Variants in PDE4D observed in about 807,000 individuals in gnomAD.
PDE4D encodes the protein phosphodiesterase 4D.
A neutral mutation model predicts 87.4 loss-of-function variants in PDE4D; 24 were observed. That is an observed-to-expected ratio of 0.27 (90% CI 0.20 to 0.39). The LOEUF (loss-of-function observed/expected upper bound fraction) is 0.39, where lower values mean the gene tolerates loss of function less well. Among genes scored for constraint, PDE4D ranks in the 10% least tolerant of loss-of-function variants. PDE4D has a pLI of 1.00. For synonymous variants in PDE4D, 384 were observed against 383.2 expected, an observed-to-expected ratio of 1.00 and a Z score of -0.02; for missense variants, 714 against 1,041.0, an observed-to-expected ratio of 0.69 and a Z score of 4.32.
chr5:60,391,094 C>T (rs1418073853), intron 1 of PDE4D, among the ~76,000 whole-genome samples: 2 of 152,134 alleles, frequency 1.3e-5, no homozygotes, highest in Non-Finnish European at 2.9e-5. Context: ...TATTATCTTT[C>T]CCCTTCTACA....
At chr5:60,478,839 A>T (rs1459151713) in intron 1 of PDE4D, among the ~76,000 whole-genome samples, 1 of 152,194 alleles carries the variant, frequency 6.6e-6, no homozygotes, top group Non-Finnish European at 1.5e-5. Context: ...TTCACTCAGA[A>T]TCCATTGTAT....
intron 2 of PDE4D, among the ~76,000 whole-genome samples, chr5:60,134,120 C>T (rs1052787564): frequency 6.6e-6 from 1 of 152,008 alleles, no homozygotes; most frequent in Non-Finnish European, 1.5e-5. Flanking sequence ...ATAACTATAC[C>T]AAATTTTTAT....
At chr5:60,492,508 T>G (rs184064639), upstream of PDE4D, among the ~76,000 whole-genome samples, 12 of 152,254 alleles carry the variant, frequency 7.9e-5, no homozygotes, top group Non-Finnish European at 1.3e-4. Flanking sequence ...CTCACTGCAA[T>G]AAATATACAC....
intron 2 of PDE4D, among the ~76,000 whole-genome samples, chr5:60,044,289 C>G (rs1289223969): frequency 2.0e-5 from 3 of 152,026 alleles, no homozygotes; most frequent in Non-Finnish European, 4.4e-5. Context: ...ATTATGTACC[C>G]ATAATAATTA....
chr5:59,809,327 G>A (rs1160402471), intron 1 of PDE4D, among the ~76,000 whole-genome samples: 2 of 152,174 alleles, frequency 1.3e-5, no homozygotes, highest in Non-Finnish European at 2.9e-5. Context: ...CATCGAAAGT[G>A]AGATATAAAG....
intron 1 of PDE4D, among the ~76,000 whole-genome samples, chr5:59,699,878 T>C (rs1267406852): frequency 6.6e-6 from 1 of 152,222 alleles, no homozygotes; most frequent in Non-Finnish European, 1.5e-5. Context: ...AGTCACCATC[T>C]ACTAGTTAGA....
chr5:59,197,534 A>T (rs1350682905), intron 2 of PDE4D, among the ~76,000 whole-genome samples: 1 of 152,198 alleles, frequency 6.6e-6, no homozygotes, highest in Non-Finnish European at 1.5e-5. Context: ...TATACCTAAC[A>T]TATAATTTTA....
chr5:59,743,964 T>C lies in PDE4D; in HGVS notation c.455+149204A>G, dbSNP rs79283915. Among the ~76,000 whole-genome samples, 14 of 152,254 alleles carry C rather than the reference T, an allele frequency of 9.2e-5. No homozygotes were observed. The East Asian group carries it at 1.9e-3, about 21-fold the overall frequency. On this transcript the variant is annotated intron_variant, in intron 1 of 14. Coordinates refer to ENST00000340635, the MANE Select transcript of PDE4D (RefSeq NM_001104631.2). ...AAAAGATGACAGACAGATCGATAGATAGATACAGATCGATAATAGATCCAT... is the reference window on the plus strand; with the variant it reads ...AAAAGATGACAGACAGATCGATAGACAGATACAGATCGATAATAGATCCAT...
intron 2 of PDE4D, among the ~76,000 whole-genome samples, chr5:60,111,460 T>G (rs1443307688): frequency 1.3e-5 from 2 of 152,156 alleles, no homozygotes; most frequent in East Asian, 3.9e-4. Context: ...TTAAACATCT[T>G]ACCTAGAAAT....
At chr5:59,681,566 G>A (rs1580377703) in intron 1 of PDE4D, among the ~76,000 whole-genome samples, 2 of 152,036 alleles carry the variant, frequency 1.3e-5, no homozygotes, top group Non-Finnish European at 2.9e-5. Flanking sequence ...TTCATGAATG[G>A]ATTACTTTAT....
At chr5:59,231,995 C>T (rs1243733338) in intron 1 of PDE4D, among the ~76,000 whole-genome samples, 1 of 152,136 alleles carries the variant, frequency 6.6e-6, no homozygotes, top group African/African-American at 2.4e-5. Context: ...CAAGTGTGAA[C>T]CTGACACATG....
intron 1 of PDE4D, among the ~76,000 whole-genome samples, chr5:59,468,851 A>AT (rs1801980854): frequency 6.6e-6 from 1 of 152,200 alleles, no homozygotes; most frequent in African/African-American, 2.4e-5. Context: ...GGCCTAACTT[A>AT]GAGCTTAGAG....
intron 2 of PDE4D, among the ~76,000 whole-genome samples, chr5:60,105,003 C>T (rs957136869): frequency 5.9e-5 from 9 of 152,236 alleles, no homozygotes; most frequent in African/African-American, 2.2e-4. Flanking sequence ...TGGAACAAAG[C>T]TGGACGAAGA....
At chr5:59,025,904 C>T (rs1421988165) in intron 6 of PDE4D, among the ~76,000 whole-genome samples, 2 of 152,214 alleles carry the variant, frequency 1.3e-5, no homozygotes, top group East Asian at 3.9e-4. Flanking sequence ...GTGCCTATGG[C>T]TGCACAGTGC....
At chr5:60,226,607 A>G (rs927211539) in intron 1 of PDE4D, among the ~76,000 whole-genome samples, 2 of 152,110 alleles carry the variant, frequency 1.3e-5, no homozygotes, top group African/African-American at 4.8e-5. Flanking sequence ...TCTTTCTTTT[A>G]ATGCTGCAAG....
At chr5:59,658,280 C>G (rs1442540602) in intron 1 of PDE4D, among the ~76,000 whole-genome samples, 1 of 152,016 alleles carries the variant, frequency 6.6e-6, no homozygotes, top group Non-Finnish European at 1.5e-5. Context: ...ATATTATTTA[C>G]TAAAGTCTCA....
chr5:59,944,045 G>A (rs1757466487), intron 3 of PDE4D, among the ~76,000 whole-genome samples: 1 of 152,142 alleles, frequency 6.6e-6, no homozygotes. Context: ...ATACCCATGA[G>A]GCACAAACAG....
At chr5:59,175,637 C>T (rs191892689) in intron 5 of PDE4D, among the ~76,000 whole-genome samples, 3,013 of 151,658 alleles carry the variant, frequency 0.02, 91 homozygotes, top group African/African-American at 0.066. Context: ...CCTGCCACCA[C>T]GCCTGGCTAA....
intron 1 of PDE4D, among the ~76,000 whole-genome samples, chr5:60,412,296 G>A (rs1006918064): frequency 5.9e-5 from 9 of 152,246 alleles, no homozygotes; most frequent in East Asian, 3.9e-4. Flanking sequence ...TTTTGTTGCC[G>A]TTACCCAACA....
Sources: allele counts gnomAD v4.1 joint callset (sites outside exome capture counted in the v4.1 genomes callset), GRCh38; gene constraint gnomAD v4.1.1; transcripts MANE v1.5; gene names NCBI Gene and HGNC (gene_info 2026-07-23, HGNC 2026-07-21).